NDST4: variants seen among roughly 807,000 people sequenced by gnomAD.
The protein encoded by NDST4 is N-heparan sulfate sulfotransferase 4.
In NDST4, 63 loss-of-function variants were observed where a neutral mutation model predicts 100.8. That is an observed-to-expected ratio of 0.62 (90% CI 0.51 to 0.77). The LOEUF (loss-of-function observed/expected upper bound fraction) is 0.77. NDST4 is among the 30% of genes least tolerant of loss of function. The pLI is 0.00. For missense variants in NDST4, 943 were observed against 1,018.4 expected, an observed-to-expected ratio of 0.93 and a Z score of 1.01; for synonymous variants, 377 against 361.8, an observed-to-expected ratio of 1.04 and a Z score of -0.48.
At chr4:114,837,950 C>A (rs1308491665) in intron 11 of NDST4, among the ~76,000 whole-genome samples, 2 of 152,140 alleles carry the variant, frequency 1.3e-5, no homozygotes, top group Non-Finnish European at 2.9e-5. Context: ...TATCCAGAAT[C>A]TACAAGGAAC....
intron 2 of NDST4, among the ~76,000 whole-genome samples, chr4:115,020,305 G>T (rs58411977): frequency 0.085 from 12,979 of 152,058 alleles, 1,834 homozygotes; most frequent in African/African-American, 0.29. Flanking sequence ...TGGAGTAAAA[G>T]ACATCCTTGT....
At chr4:114,871,022 G>T in intron 6 of NDST4, 72 bp from the exon 7 acceptor site, 1 of 1,092,754 alleles carries the variant, frequency 9.2e-7, no homozygotes. Context: ...CAAGCCCCAG[G>T]CAGCACCTCA....
intron 1 of NDST4, among the ~76,000 whole-genome samples, chr4:115,082,011 A>G (rs1729315608): frequency 6.6e-6 from 1 of 152,144 alleles, no homozygotes; most frequent in African/African-American, 2.4e-5. Flanking sequence ...GGAAGGAGAG[A>G]TCTACTCATT....
intron 3 of NDST4, among the ~76,000 whole-genome samples, 195 bp from the exon 4 acceptor site, chr4:114,970,779 T>A (rs550436244): frequency 1.3e-5 from 2 of 152,062 alleles, no homozygotes; most frequent in Non-Finnish European, 2.9e-5. Context: ...ATGGGGTGAG[T>A]AGGCATGGCT....
chr4:115,104,705 A>G (rs1729802475), intron 1 of NDST4, among the ~76,000 whole-genome samples: 1 of 152,100 alleles, frequency 6.6e-6, no homozygotes, highest in South Asian at 2.1e-4. Context: ...TTGATCCTTT[A>G]AGTTAGATTC....
chr4:115,034,729 C>T (rs1354393763), intron 2 of NDST4, among the ~76,000 whole-genome samples: 2 of 152,026 alleles, frequency 1.3e-5, no homozygotes, highest in Non-Finnish European at 2.9e-5. Context: ...CGCCTTGATC[C>T]ATCACTGCTT....
At chr4:115,057,708 AC>A (rs1560583531) in intron 2 of NDST4, among the ~76,000 whole-genome samples, 2 of 105,854 alleles carry the variant, frequency 1.9e-5, no homozygotes, top group Admixed American at 1.8e-4. Context: ...GCACGCACAC[AC>A]ACACACACAC....
intron 6 of NDST4, among the ~76,000 whole-genome samples, chr4:114,885,681 T>A (rs1724462814): frequency 6.6e-6 from 1 of 152,104 alleles, no homozygotes; most frequent in Admixed American, 6.6e-5. Flanking sequence ...ACAGGCAACA[T>A]ATGAATGGAT....
chr4:114,924,016 G>A (rs1055537928), intron 6 of NDST4, among the ~76,000 whole-genome samples: 2 of 151,818 alleles, frequency 1.3e-5, no homozygotes, highest in Admixed American at 6.6e-5. Flanking sequence ...CATCAGAACC[G>A]GTAGCAAATA....
chr4:115,036,934 G>A (rs979010337), intron 2 of NDST4, among the ~76,000 whole-genome samples: 5 of 151,778 alleles, frequency 3.3e-5, no homozygotes, highest in African/African-American at 9.7e-5. Context: ...AAAAGCACAA[G>A]TTAGTTAAAA....
At chr4:114,964,414 G>A (rs143314243) in intron 4 of NDST4, among the ~76,000 whole-genome samples, 3 of 152,260 alleles carry the variant, frequency 2.0e-5, no homozygotes, top group East Asian at 1.9e-4. Flanking sequence ...AATAATTAAA[G>A]TGTGTTTTAG....
chr4:115,109,040 G>A (rs1729888371), intron 1 of NDST4, among the ~76,000 whole-genome samples: 1 of 150,932 alleles, frequency 6.6e-6, no homozygotes, highest in African/African-American at 2.4e-5. Flanking sequence ...AAAAGGGAAG[G>A]AAGGAAGGAA....
At chr4:115,014,737 C>T (rs1727638201) in intron 2 of NDST4, among the ~76,000 whole-genome samples, 1 of 152,010 alleles carries the variant, frequency 6.6e-6, no homozygotes, top group South Asian at 2.1e-4. Context: ...ACAGCAAAAT[C>T]CCTTAGAATT....
intron 10 of NDST4, among the ~76,000 whole-genome samples, chr4:114,844,053 C>T (rs1416054315): frequency 6.6e-6 from 1 of 151,630 alleles, no homozygotes; most frequent in African/African-American, 2.4e-5. Flanking sequence ...ATCTAGGGCC[C>T]ACATTGGAAA....
intron 2 of NDST4, among the ~76,000 whole-genome samples, chr4:115,049,863 T>G (rs1452111680): frequency 1.3e-5 from 2 of 152,140 alleles, no homozygotes; most frequent in South Asian, 4.1e-4. Context: ...CTTGGTTACA[T>G]CCACACAAAA....
chr4:114,856,606 TA>T, intron 7 of NDST4, among the ~76,000 whole-genome samples: 1 of 152,316 alleles, frequency 6.6e-6, no homozygotes, highest in African/African-American at 2.4e-5. Context: ...TTTATCCAAT[TA>T]AAATAGAAGA....
intron 2 of NDST4, among the ~76,000 whole-genome samples, chr4:114,986,942 G>T (rs921251027): frequency 6.6e-6 from 1 of 150,564 alleles, no homozygotes; most frequent in Non-Finnish European, 1.5e-5. Flanking sequence ...AGAGGTCATT[G>T]TTTGTGTGGC....
intron 6 of NDST4, among the ~76,000 whole-genome samples, chr4:114,923,246 T>C (rs1309247781): frequency 6.6e-6 from 1 of 152,156 alleles, no homozygotes; most frequent in Admixed American, 6.5e-5. Context: ...AATATCAACA[T>C]GTTTTAGAAA....
intron 1 of NDST4, among the ~76,000 whole-genome samples, chr4:115,081,868 G>A (rs193150241): frequency 2.0e-5 from 3 of 152,204 alleles, no homozygotes; most frequent in Non-Finnish European, 4.4e-5. Context: ...ACAAATATGT[G>A]GATTACTGAG....
Sources: allele counts gnomAD v4.1 joint callset (sites outside exome capture counted in the v4.1 genomes callset), GRCh38; gene constraint gnomAD v4.1.1; transcripts MANE v1.5; gene names NCBI Gene and HGNC (gene_info 2026-07-23, HGNC 2026-07-21).